Variants in TNN observed in about 807,000 individuals in gnomAD.
TNN encodes the protein tenascin-N.
Under a neutral mutation model 134.4 loss-of-function variants are expected in TNN, and 122 were observed. The ratio of observed to expected loss-of-function variants is 0.91; its 90% CI spans 0.78 to 1.06. The LOEUF (loss-of-function observed/expected upper bound fraction) is 1.06. TNN is among the 50% of genes least tolerant of loss of function. The pLI is 0.00. For missense variants in TNN, 1,739 were observed against 1,699.4 expected, an observed-to-expected ratio of 1.02 and a Z score of -0.41; for synonymous variants, 710 against 670.3, an observed-to-expected ratio of 1.06 and a Z score of -0.91.
At chr1:175,092,033 C>G (rs1282663360) in intron 6 of TNN, among the ~76,000 whole-genome samples, 1 of 152,144 alleles carries the variant, frequency 6.6e-6, no homozygotes, top group Non-Finnish European at 1.5e-5. Context: ...TGGGGTTGTA[C>G]AGATGTGGAT....
intron 2 of TNN, among the ~76,000 whole-genome samples, chr1:175,078,736 C>G (rs1674113872): frequency 6.6e-6 from 1 of 152,228 alleles, no homozygotes; most frequent in South Asian, 2.1e-4. Flanking sequence ...CCAGCTGCCT[C>G]TTGCTGTGTA....
Position 175,098,415 on chromosome 1 carries a change from A to G in TNN, c.1939A>G (p.Ile647Val), listed in dbSNP as rs771134438. The change falls in exon 9 of 19, where the codon ATT (isoleucine) becomes GTT (valine). Residue 647 changes from isoleucine to valine, a missense_variant. By Grantham distance (29) the Ile-to-Val change is conservative (BLOSUM62 3). Coordinates refer to ENST00000239462, the MANE Select transcript of TNN (RefSeq NM_022093.2). ...TVSWDPVQAA[I>V]DKYVVRYTSA... ...CTCCTGGGACCCGGTGCAGGCCGCC[A>G]TTGACAAGTACGTGGTGCGCTACAC... 5 of 1,614,196 alleles carry G rather than the reference A, an allele frequency of 3.1e-6. No homozygotes were observed. In the Admixed American group the frequency reaches 6.7e-5, roughly 22 times the overall value.
chr1:175,069,009 G>C (rs778823604), intron 1 of TNN, among the ~76,000 whole-genome samples: 1 of 152,102 alleles, frequency 6.6e-6, no homozygotes, highest in Non-Finnish European at 1.5e-5. Flanking sequence ...AGAGATCTGG[G>C]GGAAGGATGG....
At chr1:175,142,699 C>A (rs570721973) in intron 17 of TNN, among the ~76,000 whole-genome samples, 4 of 152,056 alleles carry the variant, frequency 2.6e-5, no homozygotes, top group Admixed American at 6.5e-5. Context: ...CTCACTGCAA[C>A]CTCCACCTCC....
intron 9 of TNN, 147 bp from the exon 10 acceptor site, chr1:175,116,792 G>T (rs746663602): frequency 5.4e-6 from 6 of 1,112,920 alleles, no homozygotes; most frequent in African/African-American, 1.6e-5. Context: ...TGGGGATAAG[G>T]TCTATATCCA....
intron 17 of TNN, among the ~76,000 whole-genome samples, chr1:175,143,915 G>A (rs1574183359): frequency 7.6e-6 from 1 of 132,390 alleles, no homozygotes; most frequent in African/African-American, 2.7e-5. Flanking sequence ...TGTCATGGGA[G>A]CAGAGACATA....
chr1:175,090,529 A>G lies in TNN; in HGVS notation c.1325-3461A>G, dbSNP rs562026428. ...GCCATCTTCTACTGCACCAACTGGG[A>G]GATTCACAGGTGGAAATTGTGAGTG... On this transcript the variant is annotated intron_variant, in intron 6 of 18. Transcript: ENST00000239462. 1.3e-4 allele frequency among the ~76,000 whole-genome samples: 20 copies of G among 152,234 alleles called. No individual in the cohort carries two copies. The South Asian group carries it at 4.1e-3, about 32-fold the overall frequency.
At chr1:175,136,462 G>T (rs551168295) in intron 16 of TNN, among the ~76,000 whole-genome samples, 6 of 152,202 alleles carry the variant, frequency 3.9e-5, no homozygotes, top group African/African-American at 1.2e-4. Context: ...TTTGTGGTTT[G>T]CTCAGTGTAA....
rs1199684049 is a variant in TNN, at chr1:175,091,557, A to ATTTT, written c.1325-2431_1325-2428dup. 1.8e-4 allele frequency among the ~76,000 whole-genome samples: 8 copies of ATTTT among 45,444 alleles called. No homozygotes were observed. The South Asian group carries it at 1.9e-3, about 11-fold the overall frequency. The allele number at this position is 45,444 out of a possible 152,430, so 29.8% of individuals were successfully genotyped here. A position where few individuals can be genotyped will look rare whatever the true frequency, so the allele number is the denominator to read the frequency against. On this transcript the variant is annotated intron_variant, in intron 6 of 18. Coordinates refer to ENST00000239462, the MANE Select transcript of TNN (RefSeq NM_022093.2). ...CTTTATTTATTTACTTTTATTTATT[A>ATTTT]TTTTTATTTATTTATTTATTTATTT...
At chr1:175,130,657 G>C (rs1675654260) in intron 15 of TNN, among the ~76,000 whole-genome samples, 2 of 152,170 alleles carry the variant, frequency 1.3e-5, no homozygotes, top group Non-Finnish European at 2.9e-5. Context: ...CTGTCAGTCT[G>C]TCTGCCCTGG....
chr1:175,084,333 T>A (rs570819810), intron 5 of TNN, among the ~76,000 whole-genome samples: 2 of 151,472 alleles, frequency 1.3e-5, no homozygotes, highest in East Asian at 3.9e-4. Flanking sequence ...GAGATTGGTT[T>A]GTTGAGCATG....
At chr1:175,143,712 G>T (rs1675991429) in intron 17 of TNN, among the ~76,000 whole-genome samples, 1 of 152,192 alleles carries the variant, frequency 6.6e-6, no homozygotes, top group Middle Eastern at 3.2e-3. Flanking sequence ...GCAAGACTGT[G>T]CATAGGGCAC....
rs114864095 is a variant in TNN, at chr1:175,081,766, C to G, written c.1048+1340C>G. Among the ~76,000 whole-genome samples, 394 of 152,282 alleles carry G rather than the reference C, an allele frequency of 2.6e-3. 3 individuals are homozygous for G. Among genetic ancestry groups the G allele is most frequent in the African/African-American group, 9.1e-3 (380 of 41,564 alleles). The stretch of plus-strand genomic sequence containing the variant: ...GGACCATAGAGGTATCTCAGTAAGA[C>G]AGCGTTAGAAAGGACTGGTTAGAGA... On this transcript the variant is annotated intron_variant, in intron 4 of 18. Transcript: ENST00000239462.
At chr1:175,084,171 A>G (rs930574880) in intron 5 of TNN, among the ~76,000 whole-genome samples, 1 of 152,184 alleles carries the variant, frequency 6.6e-6, no homozygotes, top group Non-Finnish European at 1.5e-5. Context: ...AACAGATTAT[A>G]TTTGTGAGAT....
intron 11 of TNN, among the ~76,000 whole-genome samples, chr1:175,121,999 A>G (rs1226430910): frequency 6.6e-6 from 1 of 152,260 alleles, no homozygotes; most frequent in Non-Finnish European, 1.5e-5. Flanking sequence ...TCAGGGGCTC[A>G]GAATTAATAG....
intron 7 of TNN, among the ~76,000 whole-genome samples, chr1:175,096,027 G>A (rs1302218235): frequency 1.3e-5 from 2 of 152,244 alleles, no homozygotes; most frequent in Non-Finnish European, 2.9e-5. Flanking sequence ...CATGAAGGAA[G>A]TGATTCACGC....
At chr1:175,116,731 T>C (rs1027187696) in intron 9 of TNN, among the ~76,000 whole-genome samples, 1 of 152,200 alleles carries the variant, frequency 6.6e-6, no homozygotes, top group African/African-American at 2.4e-5. Flanking sequence ...TGGATTTAGT[T>C]CTCATACCAC....
chr1:175,083,789 C>T lies in TNN; in HGVS notation c.1088C>T (p.Thr363Ile). The T allele has an allele frequency of 6.2e-7, 1 of 1,614,190 alleles. No homozygotes were observed. The part of the protein sequence containing the change: ...VLGTAWVTDE[T>I]ENSLDVEWEN... ...GGCACTGCCTGGGTGACAGATGAGACTGAGAACTCCCTTGACGTGGAGTGG... is the reference window on the plus strand; with the variant it reads ...GGCACTGCCTGGGTGACAGATGAGATTGAGAACTCCCTTGACGTGGAGTGG... Residue 363 changes from threonine to isoleucine, a missense_variant, in exon 5 of 19, where the codon ACT (threonine) becomes ATT (isoleucine). Thr to Ile is a moderately conservative substitution (Grantham distance 89, BLOSUM62 -1). Transcript: ENST00000239462.
At position 175,082,036 on chromosome 1, in the gene TNN, C is replaced by T. The variant is rs527288411; in HGVS notation, c.1048+1610C>T. On this transcript the variant is annotated intron_variant, in intron 4 of 18. Coordinates refer to ENST00000239462, the MANE Select transcript of TNN (RefSeq NM_022093.2). ...TGTCTTGTTTTTGTCTTGATCTATG[C>T]GGTCACAGAGTGACCTGACATTGAT... Among the ~76,000 whole-genome samples the T allele has an allele frequency of 9.2e-5, 14 of 152,284 alleles. No individual in the cohort carries two copies. In the East Asian group the frequency reaches 1.7e-3, roughly 19 times the overall value.
Sources: allele counts gnomAD v4.1 joint callset (sites outside exome capture counted in the v4.1 genomes callset), GRCh38; gene constraint gnomAD v4.1.1; transcripts MANE v1.5; gene names NCBI Gene and HGNC (gene_info 2026-07-23, HGNC 2026-07-21).